KAZN: variants seen among roughly 807,000 people sequenced by gnomAD.
KAZN encodes kazrin.
In KAZN, 40 loss-of-function variants were observed where a neutral mutation model predicts 87.4. The observed-to-expected ratio is 0.46, with a 90% CI of 0.36 to 0.60. The LOEUF is 0.60. Among genes scored for constraint, KAZN ranks in the 20% least tolerant of loss-of-function variants. The pLI is 0.00. For synonymous variants in KAZN, 466 were observed against 458.3 expected, an observed-to-expected ratio of 1.02 and a Z score of -0.22; for missense variants, 898 against 1,073.9, an observed-to-expected ratio of 0.84 and a Z score of 2.29.
At chr1:14,418,643 G>A (rs1214092756) in intron 2 of KAZN, among the ~76,000 whole-genome samples, 2 of 150,712 alleles carry the variant, frequency 1.3e-5, no homozygotes, top group Non-Finnish European at 2.9e-5. Flanking sequence ...CCTAGTCAGA[G>A]GCAAGGCATT....
At chr1:14,322,449 C>T (rs1044932367) in intron 2 of KAZN, among the ~76,000 whole-genome samples, 2 of 152,128 alleles carry the variant, frequency 1.3e-5, no homozygotes, top group East Asian at 3.9e-4. Flanking sequence ...CTTTGCCCTT[C>T]TTTGCTCCTT....
At chr1:14,177,799 T>G (rs1393360013) in intron 1 of KAZN, among the ~76,000 whole-genome samples, 3 of 151,678 alleles carry the variant, frequency 2.0e-5, no homozygotes, top group South Asian at 2.1e-4. Flanking sequence ...TGTGTGTTTT[T>G]TTTTTTTTTT....
intron 1 of KAZN, among the ~76,000 whole-genome samples, chr1:14,672,321 T>G (rs2148739335): frequency 6.6e-6 from 1 of 152,346 alleles, no homozygotes; most frequent in East Asian, 1.9e-4. Context: ...AAGTCAAGTC[T>G]TTTCTGCAGT....
intron 2 of KAZN, among the ~76,000 whole-genome samples, chr1:14,495,994 G>A (rs1418535224): frequency 2.0e-5 from 3 of 151,948 alleles, no homozygotes; most frequent in Admixed American, 6.6e-5. Context: ...AATAGTCCAC[G>A]ACTTTTTCTA....
chr1:14,901,515 G>A (rs771101507), intron 1 of KAZN, among the ~76,000 whole-genome samples: 8 of 152,136 alleles, frequency 5.3e-5, no homozygotes, highest in Non-Finnish European at 1.2e-4. Flanking sequence ...CTGGCTGTTG[G>A]GTGGAGAATG....
At chr1:14,411,300 C>T (rs936411931) in intron 2 of KAZN, among the ~76,000 whole-genome samples, 1 of 152,098 alleles carries the variant, frequency 6.6e-6, no homozygotes, top group Non-Finnish European at 1.5e-5. Context: ...CAGGCAAGGC[C>T]GAATTTCTTT....
chr1:15,089,567 CT>C, intron 8 of KAZN, among the ~76,000 whole-genome samples: 1 of 152,176 alleles, frequency 6.6e-6, no homozygotes, highest in Non-Finnish European at 1.5e-5. Context: ...CCAGCCTTGA[CT>C]AAGTGCCTAC....
chr1:14,380,459 T>C (rs1018762759), intron 2 of KAZN, among the ~76,000 whole-genome samples: 3 of 152,084 alleles, frequency 2.0e-5, no homozygotes, highest in Non-Finnish European at 4.4e-5. Context: ...CTTAAAGAAA[T>C]TCAAGATAAC....
intron 2 of KAZN, among the ~76,000 whole-genome samples, chr1:14,587,717 T>C (rs569663231): frequency 6.6e-6 from 1 of 151,856 alleles, no homozygotes; most frequent in African/African-American, 2.4e-5. Flanking sequence ...TGGTACTAAG[T>C]CGGTCATAAG....
intron 2 of KAZN, among the ~76,000 whole-genome samples, chr1:14,587,098 A>G (rs1032742834): frequency 2.0e-5 from 3 of 152,316 alleles, no homozygotes; most frequent in Admixed American, 1.3e-4. Flanking sequence ...TCTTCCCTGT[A>G]TTAGTTCTTG....
chr1:14,525,418 G>A (rs571756024), intron 2 of KAZN, among the ~76,000 whole-genome samples: 7 of 152,340 alleles, frequency 4.6e-5, no homozygotes, highest in South Asian at 2.1e-4. Flanking sequence ...TCAGCTGGCC[G>A]TTGCAGAGTA....
At chr1:14,569,940 G>A (rs1374849943) in intron 2 of KAZN, among the ~76,000 whole-genome samples, 4 of 151,958 alleles carry the variant, frequency 2.6e-5, no homozygotes, top group East Asian at 3.9e-4. Flanking sequence ...GTGAAACCCC[G>A]TTTCTACTAA....
At chr1:14,242,274 C>T (rs143123847) in intron 2 of KAZN, among the ~76,000 whole-genome samples, 26 of 152,126 alleles carry the variant, frequency 1.7e-4, no homozygotes, top group South Asian at 4.2e-4. Flanking sequence ...ATACCGGTTG[C>T]GAAAGATTAT....
intron 2 of KAZN, among the ~76,000 whole-genome samples, chr1:14,325,105 T>C (rs1339400381): frequency 6.6e-6 from 1 of 152,314 alleles, no homozygotes; most frequent in East Asian, 1.9e-4. Flanking sequence ...TTTATAATTT[T>C]GGTGGCGCAA....
At chr1:14,762,885 C>T (rs1463939210) in intron 1 of KAZN, among the ~76,000 whole-genome samples, 15 of 152,228 alleles carry the variant, frequency 9.9e-5, no homozygotes, top group Non-Finnish European at 8.8e-5. Context: ...ATAATACCTA[C>T]TTCTATGGGT....
At chr1:14,257,959 T>TAAAAAAAAAAAAAAAAAAAAAAA (rs1168366132) in intron 2 of KAZN, among the ~76,000 whole-genome samples, 1 of 28,714 alleles carries the variant, frequency 3.5e-5, no homozygotes, top group African/African-American at 1.1e-4. Context: ...AAAAAAACAT[T>TAAAAAAAAAAAAAAAAAAAAAAA]AAAAAAAAAA....
intron 2 of KAZN, among the ~76,000 whole-genome samples, chr1:14,206,598 A>C (rs867856008): frequency 3.3e-5 from 5 of 152,228 alleles, no homozygotes; most frequent in African/African-American, 4.8e-5. Flanking sequence ...GTTTTAAAAA[A>C]AATAAAATCT....
chr1:14,165,066 C>T (rs1000023592), intron 1 of KAZN, among the ~76,000 whole-genome samples: 2 of 152,162 alleles, frequency 1.3e-5, no homozygotes, highest in African/African-American at 4.8e-5. Flanking sequence ...AATTTTCTAT[C>T]TCGATGACAT....
chr1:14,249,448 A>G (rs191787565), intron 2 of KAZN, among the ~76,000 whole-genome samples: 1 of 152,338 alleles, frequency 6.6e-6, no homozygotes, highest in Admixed American at 6.5e-5. Context: ...TTATCGACCC[A>G]CAAAATCAGG....
Sources: gnomAD v4.1 joint callset for allele counts (sites outside exome capture counted in the v4.1 genomes callset) on GRCh38, gnomAD v4.1.1 for gene constraint, MANE v1.5 for transcripts, NCBI Gene and HGNC (gene_info 2026-07-23, HGNC 2026-07-21) for gene names.